The following NPAS2 variants were observed in gnomAD, a reference collection of about 807,000 sequenced individuals.
NPAS2 encodes the protein neuronal PAS domain-containing protein 2.
NPAS2 carries 23 observed loss-of-function variants against 107.5 expected under a neutral mutation model. The observed-to-expected ratio is 0.21, with a 90% CI of 0.15 to 0.30. The LOEUF (loss-of-function observed/expected upper bound fraction) is 0.30. Ranked by LOEUF, NPAS2 falls within the 10% of genes least tolerant of loss-of-function variation. The pLI, the probability that NPAS2 is intolerant of heterozygous loss-of-function variation, is 1.00. For synonymous variants in NPAS2, 403 were observed against 417.5 expected, an observed-to-expected ratio of 0.97 and a Z score of 0.42; for missense variants, 756 against 1,043.3, an observed-to-expected ratio of 0.72 and a Z score of 3.79.
intron 1 of NPAS2, among the ~76,000 whole-genome samples, chr2:100,881,317 C>T (rs1680320721): frequency 6.6e-6 from 1 of 152,236 alleles, no homozygotes; most frequent in South Asian, 2.1e-4. Flanking sequence ...AGCGTCTCCC[C>T]TCCCCACCCC....
chr2:100,865,882 G>A (rs564646046), intron 1 of NPAS2, among the ~76,000 whole-genome samples: 19 of 152,240 alleles, frequency 1.2e-4, no homozygotes, highest in East Asian at 3.9e-4. Context: ...ACTACCTCCC[G>A]CTAAAATTGT....
At chr2:100,835,724 G>A (rs1373250297) in intron 1 of NPAS2, among the ~76,000 whole-genome samples, 4 of 151,994 alleles carry the variant, frequency 2.6e-5, no homozygotes, top group Non-Finnish European at 2.9e-5. Context: ...GAAAGGTAGG[G>A]GTCACCTGGA....
rs547787097 is a variant in NPAS2, at chr2:100,895,706, C to T, written c.-22-9027C>T. 9.8e-4 allele frequency among the ~76,000 whole-genome samples: 150 copies of T among 152,338 alleles called. 1 individual carries two copies. The highest frequency in any genetic ancestry group is 3.4e-3 in the African/African-American group (141 of 41,580). ...TGGGCCTGGCAGAGCTCCTTACCCCCATGCCCCCACTCAGTGGTCCTCACA... is the reference window on the plus strand; with the variant it reads ...TGGGCCTGGCAGAGCTCCTTACCCCTATGCCCCCACTCAGTGGTCCTCACA... On this transcript the variant is annotated intron_variant, in intron 1 of 20. Transcript: ENST00000335681.
Position 100,847,771 on chromosome 2 carries a change from T to TA in NPAS2, c.-23+27359dup, listed in dbSNP as rs564997582. The stretch of plus-strand genomic sequence containing the variant: ...GTAGTGAAGTTTTCTCCTAGCACGT[T>TA]AATGTTCTGTGTTGATGACACATGT... On this transcript the variant is annotated intron_variant, in intron 1 of 20. Coordinates refer to ENST00000335681, the MANE Select transcript of NPAS2 (RefSeq NM_002518.4). 1.4e-3 allele frequency among the ~76,000 whole-genome samples: 210 copies of TA among 152,302 alleles called. 3 individuals carry two copies. The highest frequency in any genetic ancestry group is 8.1e-3 in the South Asian group (39 of 4,828).
At chr2:100,842,086 C>T (rs1408338243) in intron 1 of NPAS2, among the ~76,000 whole-genome samples, 3 of 97,138 alleles carry the variant, frequency 3.1e-5, no homozygotes, top group African/African-American at 1.1e-4. Context: ...TACGCGCACA[C>T]ACACACACAC....
At chr2:100,860,867 T>C (rs924342223) in intron 1 of NPAS2, among the ~76,000 whole-genome samples, 1 of 151,980 alleles carries the variant, frequency 6.6e-6, no homozygotes, top group African/African-American at 2.4e-5. Context: ...TTTTTTTTTA[T>C]TGTTTGTTGT....
intron 1 of NPAS2, among the ~76,000 whole-genome samples, chr2:100,835,082 AG>A (rs1438894579): frequency 7.2e-5 from 11 of 152,062 alleles, no homozygotes; most frequent in African/African-American, 2.7e-4. Flanking sequence ...ATCATTTGGG[AG>A]GGGGGACCCT....
intron 1 of NPAS2, among the ~76,000 whole-genome samples, chr2:100,889,002 A>G (rs1411104138): frequency 2.6e-5 from 4 of 152,244 alleles, no homozygotes; most frequent in Non-Finnish European, 5.9e-5. Flanking sequence ...CCCCAGCATT[A>G]TTCAGAGGCA....
In NPAS2 at chr2:100,965,708, A is replaced by G. The variant is rs747174010; in HGVS notation, c.849A>G (p.Ser283=). 6.2e-7 allele frequency: 1 copy of G among 1,614,084 alleles called. No individual in the cohort carries two copies. Among genetic ancestry groups the G allele is most frequent in the South Asian group, 1.1e-5 (1 of 91,060 alleles). ...TGCCTTTTGAAGTGCTGGGAACCTC[A>G]GGCTATGACTACTACCACATTGATG... is the stretch of plus-strand genomic sequence containing the variant. ...GYLPFEVLGT[S]GYDYYHIDDL... Residue 283 remains serine (S), a synonymous_variant, in exon 10 of 21, where the codon TCA becomes TCG. Coordinates refer to ENST00000335681, the MANE Select transcript of NPAS2 (RefSeq NM_002518.4). The surrounding 1 kb of genome is among the most constrained non-coding windows in gnomAD (Gnocchi z 4.3).
At position 100,932,972 on chromosome 2, in the gene NPAS2, A is replaced by G. The variant is rs1328876749; in HGVS notation, c.244A>G (p.Asn82Asp). The change falls in exon 4 of 21, where the codon AAT becomes GAT. Residue 82 changes from asparagine to aspartate, a missense_variant. Around this residue, in one of 4 missense-constraint regions of NPAS2, gnomAD observed 146 missense variants for 249.6 expected, o/e 0.58. Transcript: ENST00000335681. ...AGACTGGAAGCCTTCATTCCTCAGT[A>G]ATGAAGAATTCACCCAGCTGATGTT... ...QQDWKPSFLS[N>D]EEFTQLMLEA... 1 of 1,613,800 alleles carries G rather than the reference A, an allele frequency of 6.2e-7. No homozygotes were observed. The highest frequency in any genetic ancestry group is 8.5e-7 in the Non-Finnish European group (1 of 1,179,790).
chr2:100,966,985 C>T (rs1046315467), intron 10 of NPAS2, among the ~76,000 whole-genome samples: 5 of 152,168 alleles, frequency 3.3e-5, no homozygotes, highest in African/African-American at 1.2e-4. Context: ...ATCATTAAAA[C>T]TGTAACTCCT....
At chr2:100,872,603 T>C (rs1447998290) in intron 1 of NPAS2, among the ~76,000 whole-genome samples, 2 of 152,206 alleles carry the variant, frequency 1.3e-5, no homozygotes, top group Admixed American at 6.5e-5. Context: ...ATATTTGTTC[T>C]CTATCTCCCT....
intron 15 of NPAS2, among the ~76,000 whole-genome samples, chr2:100,981,262 T>C (rs2105275895): frequency 6.6e-6 from 1 of 151,902 alleles, no homozygotes; most frequent in South Asian, 2.1e-4. Context: ...ACTAGGGAGA[T>C]TGTTGGGCTA....
chr2:100,820,633 G>C lies in NPAS2; in HGVS notation c.-23+219G>C, dbSNP rs1368439420. 6.6e-6 allele frequency among the ~76,000 whole-genome samples: 1 copy of C among 152,102 alleles called. No homozygotes were observed. The highest frequency in any genetic ancestry group is 2.4e-5 in the African/African-American group (1 of 41,454). ...CCGCTGGGGGCTTCGCGTCCTGCAG[G>C]AGGTAGCAATCGCTGGGCCGGTGGG... On this transcript the variant is annotated intron_variant, in intron 1 of 20. Coordinates refer to ENST00000335681, the MANE Select transcript of NPAS2 (RefSeq NM_002518.4). This position sits in a 1 kb window ranked among gnomAD's most constrained non-coding sequence, Gnocchi z 5.6.
At chr2:100,819,961 G>A (rs1309423622), upstream of NPAS2, among the ~76,000 whole-genome samples, 1 of 151,832 alleles carries the variant, frequency 6.6e-6, no homozygotes, top group Non-Finnish European at 1.5e-5. This position sits in a 1 kb window ranked among gnomAD's most constrained non-coding sequence, Gnocchi z 5.8. Context: ...GTCTGCCTGC[G>A]GCGCGCGCGG....
intron 1 of NPAS2, among the ~76,000 whole-genome samples, chr2:100,881,624 TGCGGTGA>T (rs1680346118): frequency 6.6e-6 from 1 of 151,842 alleles, no homozygotes; most frequent in South Asian, 2.1e-4. Context: ...AGGCGGAGGT[TGCGGTGA>T]GCTGAGATCA....
At chr2:100,866,020 G>A (rs1014567089) in intron 1 of NPAS2, among the ~76,000 whole-genome samples, 1 of 152,168 alleles carries the variant, frequency 6.6e-6, no homozygotes, top group Non-Finnish European at 1.5e-5. Context: ...CCCCTCTTCA[G>A]TCAATGTTCA....
At chr2:100,971,183 A>G in intron 12 of NPAS2, 109 bp downstream of exon 12, 1 of 985,948 alleles carries the variant, frequency 1.0e-6, no homozygotes. Flanking sequence ...GGGTACAACC[A>G]AGCTATTCAG....
Position 100,965,343 on chromosome 2 carries a change from A to G in NPAS2, c.801-317A>G, listed in dbSNP as rs1284652318. ...GAAGAACTCCAAATCTCCCCTCCCC[A>G]CCCTTTAATTTATATTACACTTTGG... On this transcript the variant is annotated intron_variant, in intron 9 of 20. Coordinates refer to ENST00000335681, the MANE Select transcript of NPAS2 (RefSeq NM_002518.4). This position sits in a 1 kb window ranked among gnomAD's most constrained non-coding sequence, Gnocchi z 4.3. Among the ~76,000 whole-genome samples, 1 of 151,430 alleles carries G rather than the reference A, an allele frequency of 6.6e-6. No individual in the cohort carries two copies. Among genetic ancestry groups the G allele is most frequent in the African/African-American group, 2.4e-5 (1 of 41,158 alleles).
Sources: allele counts gnomAD v4.1 joint callset (sites outside exome capture counted in the v4.1 genomes callset), GRCh38; gene constraint gnomAD v4.1.1; regional missense constraint gnomAD v4.1.1; non-coding constraint Gnocchi (gnomAD v3.1); transcripts MANE v1.5; gene names NCBI Gene and HGNC (gene_info 2026-07-23, HGNC 2026-07-21).